Variants in LOXL2 observed in about 807,000 individuals in gnomAD.
LOXL2 encodes the protein lysyl oxidase homolog 2.
A neutral mutation model predicts 93.0 loss-of-function variants in LOXL2; 70 were observed. The ratio of observed to expected loss-of-function variants is 0.75; its 90% CI spans 0.62 to 0.92. The LOEUF is 0.92. LOXL2 is among the 40% of genes least tolerant of loss of function. LOXL2 has a pLI of 0.00. For synonymous variants in LOXL2, 438 were observed against 413.2 expected (o/e 1.06, Z -0.73); for missense variants, 973 against 1,054.9 (o/e 0.92, Z 1.08).
intron 2 of LOXL2, chr8:23,365,842 A>C (rs1008219578): frequency 6.6e-6 from 1 of 152,364 alleles, no homozygotes; most frequent in African/African-American, 2.4e-5. Context: ...TCCAGTGATC[A>C]CAGCAGCTAT....
At chr8:23,299,763 C>T (rs542089111) in intron 12 of LOXL2, among the ~76,000 whole-genome samples, 57 of 152,280 alleles carry the variant, frequency 3.7e-4, no homozygotes, top group African/African-American at 9.6e-4. Context: ...AGCAGGGGGG[C>T]GGGTACAGGC....
chr8:23,388,138 A>G (rs569854125), intron 1 of LOXL2, among the ~76,000 whole-genome samples: 6 of 152,334 alleles, frequency 3.9e-5, no homozygotes, highest in East Asian at 1.9e-4. Context: ...TCAGGCACCA[A>G]CTACAGTTCT....
intron 3 of LOXL2, among the ~76,000 whole-genome samples, chr8:23,354,950 T>TATATATATATATATATATA (rs1491334754): frequency 1.1e-3 from 20 of 17,948 alleles, no homozygotes; most frequent in South Asian, 2.6e-3. Context: ...TATATATATA[T>TATATATATATATATATATA]TTTTTTTTTT....
chr8:23,379,665 C>T (rs1005656613), intron 1 of LOXL2, among the ~76,000 whole-genome samples: 26 of 152,188 alleles, frequency 1.7e-4, no homozygotes, highest in Non-Finnish European at 3.2e-4. Flanking sequence ...CGCCTTGCTG[C>T]CTCCTTGCAG....
chr8:23,334,567 T>A (rs1309857010), intron 4 of LOXL2, among the ~76,000 whole-genome samples: 2 of 152,214 alleles, frequency 1.3e-5, no homozygotes, highest in East Asian at 3.8e-4. Context: ...GAGGTTGAGC[T>A]TGTCTCTGTA....
chr8:23,371,404 G>T (rs1202515701), intron 1 of LOXL2, among the ~76,000 whole-genome samples: 1 of 152,140 alleles, frequency 6.6e-6, no homozygotes, highest in East Asian at 1.9e-4. Flanking sequence ...TGAAGATCGA[G>T]TGTGTAAAAC....
intron 1 of LOXL2, among the ~76,000 whole-genome samples, chr8:23,371,745 C>G (rs1179827095): frequency 1.2e-5 from 1 of 83,694 alleles, no homozygotes; most frequent in Non-Finnish European, 2.0e-5. Flanking sequence ...GAGTGAGAGT[C>G]TGTCTCAAAA....
At position 23,297,747 on chromosome 8, in the gene LOXL2, C is replaced by A; in HGVS notation, c.*296G>T. 3.7e-5 allele frequency: 12 copies of A among 324,210 alleles called. No individual in the cohort carries two copies. The highest frequency in any genetic ancestry group is 1.6e-4 in the South Asian group (3 of 18,874). The allele number at this position is 324,210 out of a possible 1,614,324, so 20.1% of individuals were successfully genotyped here. A position where few individuals can be genotyped will look rare whatever the true frequency, so the allele number is the denominator to read the frequency against. On this transcript the variant is annotated 3_prime_UTR_variant, in exon 14 of 14. Coordinates refer to ENST00000389131, the MANE Select transcript of LOXL2 (RefSeq NM_002318.3). ...CTTGAATGGGACAAGCTGATGACAA[C>A]CTGTCTGTGGGCCTCATCCCGGTCA...
intron 1 of LOXL2, among the ~76,000 whole-genome samples, chr8:23,390,774 TG>T (rs1246087592): frequency 6.6e-6 from 1 of 152,254 alleles, no homozygotes; most frequent in African/African-American, 2.4e-5. Context: ...TTGGTGATTT[TG>T]CTTAAAGGCA....
intron 10 of LOXL2, among the ~76,000 whole-genome samples, chr8:23,305,873 A>G (rs1803222517): frequency 6.6e-6 from 1 of 151,288 alleles, no homozygotes. Context: ...GTGCAGTGGT[A>G]TGATCTCGGC....
chr8:23,342,592 C>T (rs1045297165), intron 3 of LOXL2, among the ~76,000 whole-genome samples: 5 of 152,022 alleles, frequency 3.3e-5, no homozygotes, highest in South Asian at 2.1e-4. Context: ...CCACCACACC[C>T]GGCCAATTGT....
At chr8:23,335,989 G>C (rs907382653) in intron 4 of LOXL2, among the ~76,000 whole-genome samples, 3 of 152,222 alleles carry the variant, frequency 2.0e-5, no homozygotes, top group Non-Finnish European at 4.4e-5. Flanking sequence ...GCAGAGAACT[G>C]CTCAGGAGGG....
At chr8:23,304,291 G>T (rs903700688) in intron 10 of LOXL2, among the ~76,000 whole-genome samples, 2 of 152,216 alleles carry the variant, frequency 1.3e-5, no homozygotes, top group African/African-American at 4.8e-5. Flanking sequence ...TGGAACACAT[G>T]CGCTTGGTTT....
At chr8:23,382,503 C>A (rs1391194984) in intron 1 of LOXL2, 1 of 134,496 alleles carries the variant, frequency 7.4e-6, no homozygotes, top group East Asian at 2.1e-4. Context: ...GGTGACAGAG[C>A]GAGACTCCAT....
chr8:23,305,554 G>T (rs3779893), intron 10 of LOXL2, among the ~76,000 whole-genome samples: 1 of 147,928 alleles, frequency 6.8e-6, no homozygotes, highest in Non-Finnish European at 1.5e-5. Context: ...CCAGGAAATA[G>T]AGAGCAGGAC....
intron 2 of LOXL2, chr8:23,362,996 T>C (rs11782783): frequency 0.21 from 31,227 of 152,022 alleles, 3,367 homozygotes; most frequent in East Asian, 0.42. Flanking sequence ...GTCGACTACC[T>C]CACCACACCT....
intron 1 of LOXL2, among the ~76,000 whole-genome samples, chr8:23,399,274 CTT>C (rs1456668498): frequency 6.6e-6 from 1 of 151,226 alleles, no homozygotes; most frequent in Non-Finnish European, 1.5e-5. Flanking sequence ...ACAAGCTGCT[CTT>C]TTAAAGCCAG....
chr8:23,370,745 A>AGACC (rs955241730), intron 1 of LOXL2: 5 of 152,270 alleles, frequency 3.3e-5, no homozygotes, highest in African/African-American at 1.2e-4. Context: ...GGGACTGGGG[A>AGACC]GACCGGGAGT....
intron 10 of LOXL2, among the ~76,000 whole-genome samples, chr8:23,305,076 T>C (rs926779606): frequency 6.6e-6 from 1 of 152,092 alleles, no homozygotes; most frequent in Non-Finnish European, 1.5e-5. Context: ...GCCGTGGAAG[T>C]GACGACTTTG....
Sources: allele counts gnomAD v4.1 joint callset (sites outside exome capture counted in the v4.1 genomes callset), GRCh38; gene constraint gnomAD v4.1.1; transcripts MANE v1.5; gene names NCBI Gene and HGNC (gene_info 2026-07-23, HGNC 2026-07-21).